Variants in EPB41L4B observed in about 807,000 individuals in gnomAD.
EPB41L4B encodes the protein band 4.1-like protein 4B.
Under a neutral mutation model 112.5 loss-of-function variants are expected in EPB41L4B, and 30 were observed. The observed-to-expected ratio is 0.27, with a 90% CI of 0.20 to 0.36. The LOEUF (loss-of-function observed/expected upper bound fraction) is 0.36, where lower values mean the gene tolerates loss of function less well. EPB41L4B is among the 10% of genes least tolerant of loss of function. The pLI is 1.00. For missense variants in EPB41L4B, 1,024 were observed against 1,133.3 expected (o/e 0.90, Z 1.38); for synonymous variants, 408 against 439.7 (o/e 0.93, Z 0.90).
At chr9:109,256,797 C>T (rs1403751630) in intron 7 of EPB41L4B, among the ~76,000 whole-genome samples, 1 of 152,180 alleles carries the variant, frequency 6.6e-6, no homozygotes, top group Admixed American at 6.5e-5. Context: ...ACAGAATTCG[C>T]TGGGCGTGGT....
At chr9:109,198,434 G>C (rs887335201) in intron 20 of EPB41L4B, among the ~76,000 whole-genome samples, 2 of 152,196 alleles carry the variant, frequency 1.3e-5, no homozygotes, top group African/African-American at 4.8e-5. Flanking sequence ...GGAAGGAAGA[G>C]AGGATCAAAC....
At chr9:109,255,264 C>A (rs1262817569) in intron 11 of EPB41L4B, among the ~76,000 whole-genome samples, 1 of 152,134 alleles carries the variant, frequency 6.6e-6, no homozygotes, top group African/African-American at 2.4e-5. Flanking sequence ...GTGGCTAGTG[C>A]CTACTGTATT....
chr9:109,243,768 C>A, intron 14 of EPB41L4B, 86 bp from the exon 15 acceptor site: 1 of 1,347,358 alleles, frequency 7.4e-7, no homozygotes. Flanking sequence ...TGGCATCCAC[C>A]CGAGGGGCTG....
intron 1 of EPB41L4B, among the ~76,000 whole-genome samples, chr9:109,306,025 G>T (rs1403058160): frequency 1.3e-5 from 2 of 152,210 alleles, no homozygotes; most frequent in Admixed American, 1.3e-4. Flanking sequence ...AGCCACTAGA[G>T]TGACAGCCGT....
chr9:109,240,026 TC>T (rs1011799338), intron 15 of EPB41L4B: 1 of 985,260 alleles, frequency 1.0e-6, no homozygotes, highest in African/African-American at 1.7e-5. Flanking sequence ...ATGATCTTGC[TC>T]CACCCACCTA....
At chr9:109,253,375 C>T (rs764504876) in intron 12 of EPB41L4B, 66 bp downstream of exon 12, 16 of 1,130,974 alleles carry the variant, frequency 1.4e-5, no homozygotes, top group Non-Finnish European at 2.1e-5. Context: ...CTTGACCAAG[C>T]TCCTCGAGGG....
intron 7 of EPB41L4B, 68 bp downstream of exon 7, chr9:109,258,109 G>A: frequency 6.6e-7 from 1 of 1,519,066 alleles, no homozygotes; most frequent in South Asian, 1.2e-5. Flanking sequence ...GTAGATAAAG[G>A]AGTGTGATCA....
At chr9:109,214,005 G>A (rs935475441) in intron 16 of EPB41L4B, among the ~76,000 whole-genome samples, 187 bp from the exon 17 acceptor site, 2 of 152,144 alleles carry the variant, frequency 1.3e-5, no homozygotes, top group African/African-American at 2.4e-5. Flanking sequence ...AAGGTTTCAA[G>A]GCTTAACTGT....
intron 1 of EPB41L4B, among the ~76,000 whole-genome samples, chr9:109,294,702 GTGTGTA>G (rs1588218754): frequency 7.5e-6 from 1 of 132,988 alleles, no homozygotes; most frequent in African/African-American, 3.0e-5. Flanking sequence ...GTGTGTGTGT[GTGTGTA>G]TAAGTATTTA....
At chr9:109,225,865 T>C (rs1363767330) in intron 15 of EPB41L4B, among the ~76,000 whole-genome samples, 1 of 152,018 alleles carries the variant, frequency 6.6e-6, no homozygotes, top group African/African-American at 2.4e-5. Context: ...AGGCCTGGAG[T>C]TGGCAATGCA....
At chr9:109,268,468 T>G (rs373775617) in intron 2 of EPB41L4B, 35 bp from the exon 3 acceptor site, 14 of 1,590,726 alleles carry the variant, frequency 8.8e-6, no homozygotes, top group Admixed American at 1.8e-5. Flanking sequence ...TTAGGAATAG[T>G]TCATCAGCAA....
At chr9:109,218,446 C>T (rs1013440623) in intron 15 of EPB41L4B, among the ~76,000 whole-genome samples, 2 of 152,062 alleles carry the variant, frequency 1.3e-5, no homozygotes, top group Non-Finnish European at 2.9e-5. Context: ...AATTCTTAAC[C>T]ACTTTAAGAC....
At chr9:109,260,127 C>T (rs761613923) in intron 6 of EPB41L4B, among the ~76,000 whole-genome samples, 2 of 151,600 alleles carry the variant, frequency 1.3e-5, no homozygotes, top group African/African-American at 2.4e-5. Flanking sequence ...AGTGCAGTGG[C>T]GTGATCACAG....
At chr9:109,317,536 G>A (rs182386531) in intron 1 of EPB41L4B, among the ~76,000 whole-genome samples, 283 of 152,326 alleles carry the variant, frequency 1.9e-3, no homozygotes, top group Non-Finnish European at 3.0e-3. Flanking sequence ...CACACTGAGG[G>A]TGTTATTGTG....
At chr9:109,226,361 C>A (rs1312845074) in intron 15 of EPB41L4B, among the ~76,000 whole-genome samples, 1 of 152,076 alleles carries the variant, frequency 6.6e-6, no homozygotes, top group Admixed American at 6.6e-5. Flanking sequence ...CTTCCTGCTA[C>A]CTTAGCTCCT....
intron 15 of EPB41L4B, among the ~76,000 whole-genome samples, chr9:109,222,632 T>C (rs1833620087): frequency 6.6e-6 from 1 of 152,214 alleles, no homozygotes; most frequent in Admixed American, 6.5e-5. Flanking sequence ...ATGAGACTCC[T>C]GGCATTCTGG....
At position 109,294,072 on chromosome 9, in the gene EPB41L4B, T is replaced by C. The variant is rs540277765; in HGVS notation, c.307-14151A>G. 8.0e-5 allele frequency among the ~76,000 whole-genome samples: 12 copies of C among 150,930 alleles called. No homozygotes were observed. In the South Asian group the frequency reaches 2.5e-3, roughly 32 times the overall value. The stretch of plus-strand genomic sequence containing the variant: ...CTGTAATCCCAGCACTTTGGGAGGC[T>C]GAGTCAGGCAGATCACGAGGTCAGG... On this transcript the variant is annotated intron_variant, in intron 1 of 25. Transcript: ENST00000374566.
chr9:109,228,235 T>C (rs1187450456), intron 15 of EPB41L4B, among the ~76,000 whole-genome samples: 2 of 152,242 alleles, frequency 1.3e-5, no homozygotes, highest in Admixed American at 1.3e-4. Flanking sequence ...TCTTGAAAGA[T>C]TAGCATGACT....
chr9:109,264,207 C>T (rs1295255819), intron 5 of EPB41L4B, among the ~76,000 whole-genome samples: 2 of 152,182 alleles, frequency 1.3e-5, no homozygotes, highest in Non-Finnish European at 2.9e-5. Flanking sequence ...GTTTTTATAG[C>T]ACATATTCTA....
Sources: allele counts gnomAD v4.1 joint callset (sites outside exome capture counted in the v4.1 genomes callset), GRCh38; gene constraint gnomAD v4.1.1; transcripts MANE v1.5; gene names NCBI Gene and HGNC (gene_info 2026-07-23, HGNC 2026-07-21).